The following BRF1 variants were observed in gnomAD, a reference collection of about 807,000 sequenced individuals.
The protein encoded by BRF1 is transcription factor IIIB 90 kDa subunit.
In BRF1, 59 loss-of-function variants were observed where a neutral mutation model predicts 81.7. The observed-to-expected ratio is 0.72, with a 90% CI of 0.59 to 0.90. BRF1 has a LOEUF of 0.90. Ranked by LOEUF, BRF1 falls within the 40% of genes least tolerant of loss-of-function variation. BRF1 has a pLI of 0.00. For missense variants in BRF1, 1,050 were observed against 936.3 expected (o/e 1.12, Z -1.58); for synonymous variants, 491 against 395.6 (o/e 1.24, Z -2.86).
At chr14:105,279,425 G>A (rs913519318) in intron 2 of BRF1, among the ~76,000 whole-genome samples, 5 of 152,174 alleles carry the variant, frequency 3.3e-5, no homozygotes, top group African/African-American at 4.8e-5. Context: ...CAGAAAGGAC[G>A]TCCCAACAGC....
intron 10 of BRF1, among the ~76,000 whole-genome samples, chr14:105,225,570 A>T (rs867410903): frequency 8.5e-5 from 13 of 152,338 alleles, no homozygotes; most frequent in Middle Eastern, 3.4e-3. Flanking sequence ...GAAAGAAATA[A>T]AAATATTTTA....
intron 12 of BRF1, chr14:105,219,652 C>A: frequency 2.5e-6 from 1 of 397,578 alleles, no homozygotes; most frequent in Non-Finnish European, 4.6e-6. Context: ...TGACAGAGGG[C>A]AAGTATATTG....
At chr14:105,278,706 G>A (rs1245074328) in intron 2 of BRF1, among the ~76,000 whole-genome samples, 1 of 151,578 alleles carries the variant, frequency 6.6e-6, no homozygotes, top group African/African-American at 2.4e-5. Context: ...AGGAGTTGAA[G>A]ACCAACCTGG....
At chr14:105,283,147 G>A (rs961604830) in intron 2 of BRF1, among the ~76,000 whole-genome samples, 2 of 152,160 alleles carry the variant, frequency 1.3e-5, no homozygotes, top group Non-Finnish European at 2.9e-5. Context: ...GCCAGCCAAG[G>A]CAGAGGAGGA....
At chr14:105,285,701 A>G (rs912618147) in intron 2 of BRF1, among the ~76,000 whole-genome samples, 11 of 152,252 alleles carry the variant, frequency 7.2e-5, no homozygotes, top group Admixed American at 6.5e-4. Context: ...TCCAAAGGAT[A>G]CCAGCGAAAA....
intron 7 of BRF1, chr14:105,226,995 T>C: frequency 2.0e-6 from 1 of 488,864 alleles, no homozygotes; most frequent in African/African-American, 2.0e-5. Flanking sequence ...ACACCTGTAG[T>C]TTCTGCTACT....
intron 3 of BRF1, among the ~76,000 whole-genome samples, chr14:105,264,999 G>A (rs1271952238): frequency 6.6e-6 from 1 of 151,030 alleles, no homozygotes; most frequent in Non-Finnish European, 1.5e-5. Context: ...TACCCAAGAT[G>A]TCTCCAACGT....
At position 105,210,070 on chromosome 14, in the gene BRF1, C is replaced by T. The variant is rs985846722; in HGVS notation, c.*481G>A. On this transcript the variant is annotated 3_prime_UTR_variant, in exon 18 of 18. Transcript: ENST00000547530. This position sits in a 1 kb window ranked among gnomAD's most constrained non-coding sequence, Gnocchi z 4.7. ...GGCTGCGCCGGACACCTGCAGGGCT[C>T]TGGCTTCCACTCTGGCAGAGGCTGC... 4.6e-6 allele frequency: 1 copy of T among 219,192 alleles called. No individual in the cohort carries two copies. Among genetic ancestry groups the T allele is most frequent in the Non-Finnish European group, 9.0e-6 (1 of 110,756 alleles). 13.6% of individuals were successfully genotyped at this position (219,192 alleles called of 1,614,324 possible).
chr14:105,241,161 G>C (rs952223727), intron 6 of BRF1, 104 bp downstream of exon 6: 1 of 1,526,616 alleles, frequency 6.6e-7, no homozygotes, highest in African/African-American at 1.4e-5. Context: ...GCAGCTCTCA[G>C]TGCTCTGCAA....
Position 105,300,428 on chromosome 14 carries a change from C to T in BRF1, c.184+18G>A, listed in dbSNP as rs2057961317. On this transcript the variant is annotated intron_variant, in intron 1 of 17. Transcript: ENST00000547530. Reference sequence around the variant, plus strand: ...GCCGCACCGAGAAATCCGCGCAGCGCCAGCCCGCGGGACTCACCGTCCAGG... The same window carrying T: ...GCCGCACCGAGAAATCCGCGCAGCGTCAGCCCGCGGGACTCACCGTCCAGG... 6.6e-7 allele frequency: 1 copy of T among 1,510,932 alleles called. No homozygotes were observed. The highest frequency in any genetic ancestry group is 8.8e-7 in the Non-Finnish European group (1 of 1,136,226). The allele number at this position is 1,510,932 out of a possible 1,614,324, so 93.6% of individuals were successfully genotyped here.
intron 2 of BRF1, among the ~76,000 whole-genome samples, chr14:105,275,059 C>T (rs1183473563): frequency 6.6e-6 from 1 of 152,218 alleles, no homozygotes; most frequent in Non-Finnish European, 1.5e-5. Context: ...AAACTGACCT[C>T]CCAGATTTAT....
At chr14:105,250,385 C>T in intron 5 of BRF1, 1 of 1,613,832 alleles carries the variant, frequency 6.2e-7, no homozygotes, top group Non-Finnish European at 8.5e-7. Context: ...GAAGATTGAG[C>T]TCAAGCGGCT....
upstream of BRF1, among the ~76,000 whole-genome samples, chr14:105,304,247 T>C (rs929420228): frequency 1.3e-5 from 2 of 152,084 alleles, no homozygotes; most frequent in Non-Finnish European, 2.9e-5. Flanking sequence ...ATCCCAGCAC[T>C]TTGGGAGGCT....
intron 8 of BRF1, 85 bp downstream of exon 8, chr14:105,226,549 G>A: frequency 1.3e-6 from 2 of 1,590,770 alleles, no homozygotes; most frequent in South Asian, 1.1e-5. Context: ...GATGGCACCA[G>A]CTCTGCTACA....
At position 105,286,310 on chromosome 14, in the gene BRF1, T is replaced by C; in HGVS notation, c.251A>G (p.Gln84Arg). Reference sequence around the variant, plus strand: ...GTGGGAAATACCATTCTGCAGGGTCTGCGCTCTCGACTCCTTCCCCAGATT... The same window carrying C: ...GTGGGAAATACCATTCTGCAGGGTCCGCGCTCTCGACTCCTTCCCCAGATT... ...HVNLGKESRA[Q>R]TLQNGRRHIH... Residue 84 changes from glutamine (Q) to arginine (R), a missense_variant, in exon 2 of 18, where the codon CAG becomes CGG. Gln to Arg is a conservative substitution (Grantham distance 43). Coordinates refer to ENST00000547530, the MANE Select transcript of BRF1 (RefSeq NM_001519.4). The C allele has an allele frequency of 1.2e-6, 2 of 1,613,522 alleles. No homozygotes were observed. The highest frequency in any genetic ancestry group is 1.7e-6 in the Non-Finnish European group (2 of 1,179,822).
rs587766079 is a variant in BRF1, at chr14:105,248,043, G to A, written c.544+4464C>T. The A allele has an allele frequency of 1.4e-5, 14 of 985,446 alleles. 1 individual carries two copies. The South Asian group carries it at 5.6e-4, about 40-fold the overall frequency. 61.0% of individuals were successfully genotyped at this position (985,446 alleles called of 1,614,324 possible). Reference sequence around the variant, plus strand: ...GGGCCAGATCCTGACTTGCCCACCCGCCGGCTGTGTGACCTTCAGCGCGCG... The same window carrying A: ...GGGCCAGATCCTGACTTGCCCACCCACCGGCTGTGTGACCTTCAGCGCGCG... On this transcript the variant is annotated intron_variant, in intron 5 of 17. Transcript: ENST00000547530.
At position 105,241,246 on chromosome 14, in the gene BRF1, C is replaced by G. The variant is rs377760095; in HGVS notation, c.694+19G>C. On this transcript the variant is annotated intron_variant, in intron 6 of 17. Transcript: ENST00000547530. ...AGGACCCAGACCAGCATCCCCCAGG[C>G]AGGCAGGGCCCGCTGTACCTGCTCC... 14 of 1,608,192 alleles carry G rather than the reference C, an allele frequency of 8.7e-6. No individual in the cohort carries two copies. The African/African-American group carries it at 1.2e-4, about 14-fold the overall frequency.
chr14:105,310,533 CAAAAAAAAAAA>C (rs764203821), intron 1 of BRF1, among the ~76,000 whole-genome samples: 1 of 79,742 alleles, frequency 1.3e-5, no homozygotes, highest in Non-Finnish European at 2.3e-5. Flanking sequence ...GACTCTGTCT[CAAAAAAAAAAA>C]AAAAAAAAAA....
At chr14:105,298,655 G>A (rs2057840238) in intron 1 of BRF1, among the ~76,000 whole-genome samples, 1 of 151,926 alleles carries the variant, frequency 6.6e-6, no homozygotes, top group African/African-American at 2.4e-5. Flanking sequence ...AGGTGTTCAA[G>A]ACCAGCCTGA....
Sources: allele counts gnomAD v4.1 joint callset (sites outside exome capture counted in the v4.1 genomes callset), GRCh38; gene constraint gnomAD v4.1.1; non-coding constraint Gnocchi (gnomAD v3.1); transcripts MANE v1.5; gene names NCBI Gene and HGNC (gene_info 2026-07-23, HGNC 2026-07-21).